Variants in ASAP3 observed in about 807,000 individuals in gnomAD.
The protein encoded by ASAP3 is ArfGAP with SH3 domain, ankyrin repeat and PH domain 3.
A neutral mutation model predicts 118.2 loss-of-function variants in ASAP3; 85 were observed. The ratio of observed to expected loss-of-function variants is 0.72; its 90% confidence interval spans 0.60 to 0.86. The LOEUF is 0.86. ASAP3 is among the 40% of genes least tolerant of loss of function. The probability of loss-of-function intolerance (pLI) is 0.00; values close to 1 mark genes in which losing one functional copy is unlikely to be tolerated. For missense variants in ASAP3, 1,026 were observed against 1,175.0 expected, an observed-to-expected ratio of 0.87 and a Z score of 1.85; for synonymous variants, 432 against 477.4, an observed-to-expected ratio of 0.90 and a Z score of 1.24.
At position 23,438,597 on chromosome 1, in the gene ASAP3, C is replaced by A; in HGVS notation, c.1102+150G>T. On this transcript the variant is annotated intron_variant, in intron 12 of 24. Transcript: ENST00000336689. The surrounding 1 kb of genome is among the most constrained non-coding windows in gnomAD (Gnocchi z 4.9). ...TTAATGTGATGTGGGTATCCTAGAC[C>A]TAAGGATTCTTATGTCTGCAGTAGC... 1 of 636,672 alleles carries A rather than the reference C, an allele frequency of 1.6e-6. No individual in the cohort carries two copies. The highest frequency in any genetic ancestry group is 2.7e-6 in the Non-Finnish European group (1 of 364,830). 39.4% of individuals were successfully genotyped at this position (636,672 alleles called of 1,614,324 possible). A position where few individuals can be genotyped will look rare whatever the true frequency, so the allele number is the denominator to read the frequency against.
rs1188110712 is a variant in ASAP3 at position 23,432,500 on chromosome 1, G to T, written c.2323+577C>A. ...TTCACTCATATGCTATCCTCACCAG[G>T]AAGCCTTCTTAAACCAACCCCCAAT... On this transcript the variant is annotated intron_variant, in intron 22 of 24. Transcript: ENST00000336689. 2.0e-5 allele frequency among the ~76,000 whole-genome samples: 3 copies of T among 152,104 alleles called. No individual in the cohort carries two copies. In the East Asian group the frequency reaches 5.8e-4, roughly 29 times the overall value.
At chr1:23,432,333 T>A (rs900292284) in intron 22 of ASAP3, among the ~76,000 whole-genome samples, 1 of 152,154 alleles carries the variant, frequency 6.6e-6, no homozygotes, top group Non-Finnish European at 1.5e-5. Context: ...TCTCTGCCAA[T>A]AGTCCATTCC....
rs758648668 is a variant in ASAP3, at chr1:23,437,348, G to C, written c.1152-28C>G. 1 of 1,609,122 alleles carries C rather than the reference G, an allele frequency of 6.2e-7. No homozygotes were observed. Among genetic ancestry groups the C allele is most frequent in the Admixed American group, 1.7e-5 (1 of 59,744 alleles). On this transcript the variant is annotated intron_variant, in intron 13 of 24. Transcript: ENST00000336689. This position sits in a 1 kb window ranked among gnomAD's most constrained non-coding sequence, Gnocchi z 6.1. ...GCGGAGATTGAACGGGGTGGGATGGGGATGTCAAGTGGGAAGAGATAGGGC... is the reference window on the plus strand; with the variant it reads ...GCGGAGATTGAACGGGGTGGGATGGCGATGTCAAGTGGGAAGAGATAGGGC...
At chr1:23,483,891 G>T in intron 1 of ASAP3, 114 bp downstream of exon 1, 2 of 1,091,202 alleles carry the variant, frequency 1.8e-6, no homozygotes, top group South Asian at 4.3e-5. Context: ...CCTAGGGAGG[G>T]GGCAGGTTTC....
Position 23,429,935 on chromosome 1 carries a change from A to G in ASAP3, c.2638-5T>C. The G allele has an allele frequency of 6.2e-7, 1 of 1,613,406 alleles. No homozygotes were observed. Among genetic ancestry groups the G allele is most frequent in the Non-Finnish European group, 8.5e-7 (1 of 1,179,646 alleles). ...ATCTCCTTCAGTGATGCCAACCTGCAGAAAGAAGGATGAAACTGACATTTT... is the reference window on the plus strand; with the variant it reads ...ATCTCCTTCAGTGATGCCAACCTGCGGAAAGAAGGATGAAACTGACATTTT... On this transcript the variant is annotated splice_region_variant and splice_polypyrimidine_tract_variant and intron_variant, in intron 24 of 24. Transcript: ENST00000336689.
At chr1:23,445,637 AAAT>A (rs1212784260) in intron 5 of ASAP3, among the ~76,000 whole-genome samples, 1 of 152,230 alleles carries the variant, frequency 6.6e-6, no homozygotes, top group East Asian at 1.9e-4. Context: ...GTAGTTAGAC[AAAT>A]AATAGTATGG....
chr1:23,469,753 T>C (rs1641900605), intron 1 of ASAP3, among the ~76,000 whole-genome samples: 1 of 152,146 alleles, frequency 6.6e-6, no homozygotes, highest in Non-Finnish European at 1.5e-5. Flanking sequence ...GTAGTTATTA[T>C]CCTCCCCATC....
chr1:23,433,146 G>A lies in ASAP3; in HGVS notation c.2254C>T (p.Pro752Ser). 1 of 1,614,182 alleles carries A rather than the reference G, an allele frequency of 6.2e-7. No homozygotes were observed. The highest frequency in any genetic ancestry group is 1.1e-5 in the South Asian group (1 of 91,082). Reference protein sequence around the residue: ...ATPQGESEDCPPPLPVKNSSR... With the variant: ...ATPQGESEDCSPPLPVKNSSR... ...GAGTTTTTGACTGGCAAGGGCGGGG[G>A]ACAGTCCTCACTCTCGCCCTGAGGG... Residue 752 changes from proline to serine, a missense_variant, in exon 22 of 25, where the codon CCC (proline) becomes TCC (serine). Transcript: ENST00000336689.
chr1:23,464,817 A>T (rs182116455), intron 1 of ASAP3, among the ~76,000 whole-genome samples: 1 of 152,254 alleles, frequency 6.6e-6, no homozygotes, highest in Admixed American at 6.5e-5. Flanking sequence ...TCTCCAGCTG[A>T]ATCAGAAAAT....
chr1:23,437,890 C>G lies in ASAP3; in HGVS notation c.1103-418G>C, dbSNP rs1392896993. Among the ~76,000 whole-genome samples the G allele has an allele frequency of 1.3e-5, 2 of 152,120 alleles. No homozygotes were observed. Among genetic ancestry groups the G allele is most frequent in the African/African-American group, 2.4e-5 (1 of 41,414 alleles). On this transcript the variant is annotated intron_variant, in intron 12 of 24. Coordinates refer to ENST00000336689, the MANE Select transcript of ASAP3 (RefSeq NM_017707.4). This position sits in a 1 kb window ranked among gnomAD's most constrained non-coding sequence, Gnocchi z 6.1. ...CCCTTTCCCCTAGCCTGTACCAGCTCCCAACTGTTGTGCCCAAGGCTCTGC... is the reference window on the plus strand; with the variant it reads ...CCCTTTCCCCTAGCCTGTACCAGCTGCCAACTGTTGTGCCCAAGGCTCTGC...
At position 23,434,342 on chromosome 1, in the gene ASAP3, G is replaced by A. The variant is rs561762620; in HGVS notation, c.1863C>T (p.Asp621=). The A allele has an allele frequency of 2.2e-5, 35 of 1,614,154 alleles. No individual in the cohort carries two copies. The highest frequency in any genetic ancestry group is 4.0e-5 in the African/African-American group (3 of 75,024). ...NGGHLDAKAA[D]GNTALHYAAL... ...CTGCGTAGTGCAGAGCCGTGTTCCC[G>A]TCAGCAGCCTTGGCATCCAGGTGAC... is the stretch of plus-strand genomic sequence containing the variant. The change falls in exon 19 of 25, where the codon GAC becomes GAT. Residue 621 remains aspartate, a synonymous_variant. Coordinates refer to ENST00000336689, the MANE Select transcript of ASAP3 (RefSeq NM_017707.4).
At chr1:23,473,398 C>T (rs770566283) in intron 1 of ASAP3, among the ~76,000 whole-genome samples, 3 of 152,172 alleles carry the variant, frequency 2.0e-5, no homozygotes, top group African/African-American at 4.8e-5. Context: ...CCTCCTGTGA[C>T]GTTGGTGAGG....
At chr1:23,482,873 A>G (rs1642354131) in intron 1 of ASAP3, among the ~76,000 whole-genome samples, 1 of 151,622 alleles carries the variant, frequency 6.6e-6, no homozygotes, top group Non-Finnish European at 1.5e-5. Flanking sequence ...AATGGTGTGA[A>G]CCTGGGAGGC....
At chr1:23,442,359 C>G in intron 6 of ASAP3, 88 bp from the exon 7 acceptor site, 2 of 1,566,424 alleles carry the variant, frequency 1.3e-6, no homozygotes, top group Non-Finnish European at 1.7e-6. Flanking sequence ...CAGGCTAATC[C>G]TCCTGGCTGC....
chr1:23,441,011 A>T, intron 10 of ASAP3, 91 bp downstream of exon 10: 1 of 1,231,140 alleles, frequency 8.1e-7, no homozygotes, highest in Non-Finnish European at 1.2e-6. Context: ...TACACAAATG[A>T]TTAGAACAGT....
At position 23,436,981 on chromosome 1, in the gene ASAP3, C is replaced by G. The variant is rs1182517714; in HGVS notation, c.1406G>C (p.Arg469Pro). 6.2e-7 allele frequency: 1 copy of G among 1,612,374 alleles called. No homozygotes were observed. Among genetic ancestry groups the G allele is most frequent in the South Asian group, 1.1e-5 (1 of 90,944 alleles). ...LTCIQCSGVH[R>P]ELGVRFSRMQ... is the part of the protein sequence containing the mutation. ...GCGCGAAAAGCGCACGCCCAGTTCG[C>G]GGTGGACGCCCGAGCACTGGATGCA... The change falls in exon 15 of 25, where the codon CGC (arginine) becomes CCC (proline). Residue 469 changes from arginine to proline, a missense_variant. Transcript: ENST00000336689. This position sits in a 1 kb window ranked among gnomAD's most constrained non-coding sequence, Gnocchi z 4.2.
intron 1 of ASAP3, among the ~76,000 whole-genome samples, chr1:23,465,171 TGAATTTGGTTTAG>T (rs1641725958): frequency 6.6e-6 from 1 of 152,246 alleles, no homozygotes; most frequent in East Asian, 1.9e-4. Flanking sequence ...AAAATTAAAT[TGAATTTGGTTTAG>T]GAATTTCTCA....
chr1:23,442,864 G>C (rs1640922321), intron 5 of ASAP3, among the ~76,000 whole-genome samples: 1 of 152,164 alleles, frequency 6.6e-6, no homozygotes, highest in Admixed American at 6.5e-5. Flanking sequence ...GTTGGGGCTA[G>C]TTGGGAAGTG....
At chr1:23,430,670 A>G (rs1045330339) in intron 24 of ASAP3, among the ~76,000 whole-genome samples, 5 of 152,182 alleles carry the variant, frequency 3.3e-5, no homozygotes, top group Non-Finnish European at 7.4e-5. Flanking sequence ...TCCCCTGGGG[A>G]GAAGCCAGAG....
Sources: allele counts gnomAD v4.1 joint callset (sites outside exome capture counted in the v4.1 genomes callset), GRCh38; gene constraint gnomAD v4.1.1; non-coding constraint Gnocchi (gnomAD v3.1); transcripts MANE v1.5; gene names NCBI Gene and HGNC (gene_info 2026-07-23, HGNC 2026-07-21).